Variants in SCLT1 observed in about 807,000 individuals in gnomAD.
SCLT1 encodes the protein sodium channel and clathrin linker 1.
SCLT1 carries 78 observed loss-of-function variants against 112.8 expected under a neutral mutation model. That is an observed-to-expected ratio of 0.69 (90% confidence interval 0.58 to 0.83). The LOEUF is 0.83. Ranked by LOEUF, SCLT1 falls within the 40% of genes least tolerant of loss-of-function variation. The probability of loss-of-function intolerance (pLI) is 0.00; values close to 1 mark genes in which losing one functional copy is unlikely to be tolerated. For missense variants in SCLT1, 747 were observed against 770.4 expected, an observed-to-expected ratio of 0.97 and a Z score of 0.36; for synonymous variants, 257 against 254.7, an observed-to-expected ratio of 1.01 and a Z score of -0.09.
intron 9 of SCLT1, among the ~76,000 whole-genome samples, chr4:128,976,523 T>C (rs1309603852): frequency 6.6e-6 from 1 of 152,190 alleles, no homozygotes; most frequent in African/African-American, 2.4e-5. Context: ...GGTGCTGCAA[T>C]AATGTGGTAC....
At chr4:128,910,891 A>C (rs1036125787) in intron 18 of SCLT1, among the ~76,000 whole-genome samples, 5 of 151,744 alleles carry the variant, frequency 3.3e-5, no homozygotes, top group Non-Finnish European at 7.4e-5. Flanking sequence ...TTGTGCCAAT[A>C]CTGTTTTATG....
At chr4:128,983,221 G>C (rs1191234137) in intron 9 of SCLT1, among the ~76,000 whole-genome samples, 2 of 152,114 alleles carry the variant, frequency 1.3e-5, no homozygotes, top group Non-Finnish European at 2.9e-5. Context: ...CCTTTTAAAA[G>C]ATAACATTGG....
Position 128,888,749 on chromosome 4 carries a change from T to C in SCLT1, c.1934A>G (p.Gln645Arg). The change falls in exon 20 of 21, where the codon CAA (glutamine) becomes CGA (arginine). Residue 645 changes from glutamine to arginine, a missense_variant. Gln to Arg is a conservative substitution (Grantham distance 43). Coordinates refer to ENST00000281142, the MANE Select transcript of SCLT1 (RefSeq NM_144643.4). ...AENEKLILEH[Q>R]EKANRLQRRL... is the part of the protein sequence containing the mutation. ...CCTTTGAAGTCTGTTGGCTTTTTCT[T>C]GATGCTCTAGAATTAGCTTTTCATT... 1 of 1,611,016 alleles carries C rather than the reference T, an allele frequency of 6.2e-7. No homozygotes were observed. Among genetic ancestry groups the C allele is most frequent in the Non-Finnish European group, 8.5e-7 (1 of 1,177,402 alleles).
At chr4:129,018,746 T>C (rs558139487) in intron 5 of SCLT1, among the ~76,000 whole-genome samples, 3 of 152,220 alleles carry the variant, frequency 2.0e-5, no homozygotes, top group African/African-American at 7.2e-5. Context: ...GTCAAATATT[T>C]TTAAAGTATG....
chr4:129,024,581 A>T (rs1208016735), intron 5 of SCLT1, among the ~76,000 whole-genome samples: 1 of 152,208 alleles, frequency 6.6e-6, no homozygotes, highest in African/African-American at 2.4e-5. Flanking sequence ...AAAGTAGATA[A>T]AACCACAAAG....
At position 128,952,983 on chromosome 4, in the gene SCLT1, A is replaced by G. The variant is rs535782797; in HGVS notation, c.1147-143T>C. The G allele has an allele frequency of 8.4e-4, 501 of 594,806 alleles. 1 individual carries two copies. The highest frequency in any genetic ancestry group is 1.1e-3 in the Non-Finnish European group (359 of 335,780). 36.8% of individuals were successfully genotyped at this position (594,806 alleles called of 1,614,324 possible). The stretch of plus-strand genomic sequence containing the variant: ...AAGACAAATAAGCACATAATATATT[A>G]AAGAGCCAAGAATTTGCCATGAAAG... On this transcript the variant is annotated intron_variant, in intron 13 of 20. Transcript: ENST00000281142.
At chr4:129,073,219 G>A (rs1043738112) in intron 2 of SCLT1, among the ~76,000 whole-genome samples, 9 of 152,082 alleles carry the variant, frequency 5.9e-5, no homozygotes, top group African/African-American at 2.2e-4. Flanking sequence ...CCTGCAATCT[G>A]CTTCCTTCAG....
chr4:128,908,116 A>G (rs1734820288), intron 18 of SCLT1, among the ~76,000 whole-genome samples: 1 of 152,200 alleles, frequency 6.6e-6, no homozygotes, highest in South Asian at 2.1e-4. Flanking sequence ...GTGATGACTG[A>G]TGATTAAATT....
intron 18 of SCLT1, among the ~76,000 whole-genome samples, chr4:128,924,614 G>A (rs1242413775): frequency 6.6e-6 from 1 of 151,956 alleles, no homozygotes; most frequent in Non-Finnish European, 1.5e-5. Flanking sequence ...CAAATTTTTT[G>A]TACTTTATTA....
chr4:129,001,479 A>C (rs190031347), intron 6 of SCLT1, among the ~76,000 whole-genome samples: 1,562 of 152,240 alleles, frequency 0.01, 14 homozygotes, highest in Middle Eastern at 0.051. Context: ...TAAGATTTTT[A>C]AACTATGTCA....
chr4:128,953,220 A>G (rs1303822879), intron 13 of SCLT1, among the ~76,000 whole-genome samples: 4 of 152,246 alleles, frequency 2.6e-5, no homozygotes, highest in Non-Finnish European at 5.9e-5. Context: ...TAACCTGAAC[A>G]ATATTTTTAT....
At chr4:129,057,935 A>G (rs1749590282) in intron 2 of SCLT1, among the ~76,000 whole-genome samples, 1 of 151,848 alleles carries the variant, frequency 6.6e-6, no homozygotes, top group Admixed American at 6.6e-5. Flanking sequence ...TATTTTTAGT[A>G]AAGACGGGGT....
intron 1 of SCLT1, among the ~76,000 whole-genome samples, chr4:129,086,072 T>A (rs1752369498): frequency 6.6e-6 from 1 of 152,156 alleles, no homozygotes; most frequent in Non-Finnish European, 1.5e-5. Flanking sequence ...CTCTTTTTTT[T>A]TCCCTGACAG....
chr4:129,072,973 A>G (rs1449596019), intron 2 of SCLT1, among the ~76,000 whole-genome samples: 1 of 151,982 alleles, frequency 6.6e-6, no homozygotes, highest in African/African-American at 2.4e-5. Context: ...TGTTGTTCAG[A>G]TTCTTTTGTC....
chr4:128,970,686 A>G, intron 9 of SCLT1: 1 of 477,382 alleles, frequency 2.1e-6, no homozygotes, highest in South Asian at 2.8e-5. Context: ...GGTATGAAGT[A>G]GAGGTCATGA....
chr4:128,950,754 C>G (rs980932604), intron 14 of SCLT1, among the ~76,000 whole-genome samples: 13 of 152,212 alleles, frequency 8.5e-5, no homozygotes, highest in Non-Finnish European at 1.6e-4. Context: ...AAAAATTCAT[C>G]CATCAAAGAA....
At chr4:128,885,246 TA>T (rs981515738) in intron 20 of SCLT1, among the ~76,000 whole-genome samples, 2 of 152,038 alleles carry the variant, frequency 1.3e-5, no homozygotes, top group African/African-American at 2.4e-5. Context: ...ATACACATAG[TA>T]AAAAAAGATC....
chr4:128,888,687 A>T lies in SCLT1; in HGVS notation c.1996T>A (p.Ser666Thr), dbSNP rs747850414. The change falls in exon 20 of 21, where the codon TCC (serine) becomes ACC (threonine). Residue 666 changes from serine to threonine, a missense_variant. Around this residue, in one of 2 missense-constraint regions of SCLT1, gnomAD observed 24 missense variants for 49.1 expected, o/e 0.49. Transcript: ENST00000281142. The part of the protein sequence containing the change: ...SQAEERAASA[S>T]QQLSVITVQR... ...AAGAGGATGCTCCCTACCTGCTGGGAAGCTGAAGCAGCTCTCTCTTCTGCC... is the reference window on the plus strand; with the variant it reads ...AAGAGGATGCTCCCTACCTGCTGGGTAGCTGAAGCAGCTCTCTCTTCTGCC... 3.1e-6 allele frequency: 5 copies of T among 1,606,064 alleles called. No individual in the cohort carries two copies. In the South Asian group the frequency reaches 3.3e-5, roughly 11 times the overall value.
intron 4 of SCLT1, among the ~76,000 whole-genome samples, chr4:128,875,420 C>T (rs1047167477): frequency 1.1e-4 from 17 of 152,138 alleles, no homozygotes; most frequent in East Asian, 1.9e-4. Flanking sequence ...TGAAAAATAA[C>T]GGTTTGAGTT....
Sources: gnomAD v4.1 joint callset for allele counts (sites outside exome capture counted in the v4.1 genomes callset) on GRCh38, gnomAD v4.1.1 for gene constraint, gnomAD v4.1.1 regional missense constraint, MANE v1.5 for transcripts, NCBI Gene and HGNC (gene_info 2026-07-23, HGNC 2026-07-21) for gene names.